The following NUDT21 variants were observed in gnomAD, a reference collection of about 807,000 sequenced individuals.
NUDT21 encodes nudix hydrolase 21.
In NUDT21, 5 loss-of-function variants were observed where a neutral mutation model predicts 29.8. That is an observed-to-expected ratio of 0.17 (90% CI 0.09 to 0.35). NUDT21 has a LOEUF of 0.35. Ranked by LOEUF, NUDT21 falls within the 10% of genes least tolerant of loss-of-function variation. The pLI is 1.00. For synonymous variants in NUDT21, 113 were observed against 98.5 expected, an observed-to-expected ratio of 1.15 and a Z score of -0.87; for missense variants, 76 against 276.0, an observed-to-expected ratio of 0.28 and a Z score of 5.13.
chr16:56,436,525 T>C (rs2143935232), intron 4 of NUDT21, among the ~76,000 whole-genome samples: 1 of 152,320 alleles, frequency 6.6e-6, no homozygotes. Context: ...GTCCCAGGCT[T>C]TGGAGGTTCC....
chr16:56,430,391 C>T lies in NUDT21; in HGVS notation c.*2321G>A, dbSNP rs1235916537. On this transcript the variant is annotated 3_prime_UTR_variant, in exon 7 of 7. Coordinates refer to ENST00000300291, the MANE Select transcript of NUDT21 (RefSeq NM_007006.3). ...AGTTTTACATAGAATCTGCACTATA[C>T]TTGGATACTCAGGGAAAATAAGATG... 1.3e-5 allele frequency: 2 copies of T among 152,116 alleles called. No individual in the cohort carries two copies. Among genetic ancestry groups the T allele is most frequent in the African/African-American group, 4.8e-5 (2 of 41,424 alleles). 9.4% of individuals were successfully genotyped at this position (152,116 alleles called of 1,614,324 possible).
intron 4 of NUDT21, chr16:56,435,034 TAA>T: frequency 2.6e-6 from 1 of 379,270 alleles, no homozygotes; most frequent in African/African-American, 2.1e-5. Flanking sequence ...CCATTCGAGA[TAA>T]AATATGTAGT....
At chr16:56,443,168 C>T (rs1243504872) in intron 3 of NUDT21, among the ~76,000 whole-genome samples, 2 of 151,598 alleles carry the variant, frequency 1.3e-5, no homozygotes, top group Non-Finnish European at 2.9e-5. Flanking sequence ...GATAGGACTA[C>T]AATATTTTTT....
chr16:56,450,991 C>G (rs1962301878), intron 1 of NUDT21, 96 bp downstream of exon 1: 2 of 996,070 alleles, frequency 2.0e-6, no homozygotes, highest in East Asian at 5.0e-5. Flanking sequence ...CGGGGAGGTG[C>G]AGAGGCGTGA....
intron 6 of NUDT21, 86 bp downstream of exon 6, chr16:56,434,245 A>G (rs1962068527): frequency 1.2e-6 from 1 of 835,856 alleles, no homozygotes; most frequent in African/African-American, 1.7e-5. Flanking sequence ...ACCAAAATTC[A>G]TGAACTATAC....
At chr16:56,444,624 A>C (rs113972583) in intron 3 of NUDT21, among the ~76,000 whole-genome samples, 2,380 of 151,660 alleles carry the variant, frequency 0.016, 42 homozygotes, top group Non-Finnish European at 0.018. Context: ...CAAAAACAAA[A>C]AAAAAAAAAA....
In NUDT21 at chr16:56,447,010, C is replaced by T. The variant is rs115754021; in HGVS notation, c.318-321G>A. ...GTTTAGGCTTCTAGTGAACCCATCA[C>T]TGAAACAGTGAACATAACATCCAAT... is the stretch of plus-strand genomic sequence containing the variant. On this transcript the variant is annotated intron_variant, in intron 2 of 6. Coordinates refer to ENST00000300291, the MANE Select transcript of NUDT21 (RefSeq NM_007006.3). 5.7e-3 allele frequency: 1,194 copies of T among 208,210 alleles called. 15 individuals carry two copies. The highest frequency in any genetic ancestry group is 0.025 in the African/African-American group (1,083 of 43,440). 12.9% of individuals were successfully genotyped at this position (208,210 alleles called of 1,614,324 possible). A position where few individuals can be genotyped will look rare whatever the true frequency, so the allele number is the denominator to read the frequency against.
At position 56,451,253 on chromosome 16, in the gene NUDT21, A is replaced by G. The variant is rs1178769412; in HGVS notation, c.-51T>C. 7.2e-7 allele frequency: 1 copy of G among 1,387,686 alleles called. No individual in the cohort carries two copies. Among genetic ancestry groups the G allele is most frequent in the African/African-American group, 1.4e-5 (1 of 69,778 alleles). The allele number at this position is 1,387,686 out of a possible 1,614,324, so 86.0% of individuals were successfully genotyped here. On this transcript the variant is annotated 5_prime_UTR_variant, in exon 1 of 7. Transcript: ENST00000300291. The stretch of plus-strand genomic sequence containing the variant: ...GAGCAGAAAGTGGCAGGCAGGGTAG[A>G]CTTTCCCCGTGCGGGAAGCGGTTAT...
intron 3 of NUDT21, among the ~76,000 whole-genome samples, chr16:56,446,351 T>G (rs1431095002): frequency 1.8e-4 from 28 of 152,306 alleles, no homozygotes; most frequent in African/African-American, 6.0e-4. Flanking sequence ...TTAAAGGAAT[T>G]AGCGCATGTA....
chr16:56,451,250 T>C lies in NUDT21; in HGVS notation c.-48A>G. The C allele has an allele frequency of 7.1e-7, 1 of 1,411,416 alleles. No individual in the cohort carries two copies. The highest frequency in any genetic ancestry group is 1.9e-5 in the Admixed American group (1 of 52,982). The allele number at this position is 1,411,416 out of a possible 1,614,324, so 87.4% of individuals were successfully genotyped here. A position where few individuals can be genotyped will look rare whatever the true frequency, so the allele number is the denominator to read the frequency against. ...GGCGAGCAGAAAGTGGCAGGCAGGG[T>C]AGACTTTCCCCGTGCGGGAAGCGGT... On this transcript the variant is annotated 5_prime_UTR_variant, in exon 1 of 7. Coordinates refer to ENST00000300291, the MANE Select transcript of NUDT21 (RefSeq NM_007006.3).
At chr16:56,445,470 G>A (rs188265382) in intron 3 of NUDT21, among the ~76,000 whole-genome samples, 1 of 152,290 alleles carries the variant, frequency 6.6e-6, no homozygotes, top group East Asian at 1.9e-4. Context: ...TTACAATTAA[G>A]TGATTATTGA....
intron 4 of NUDT21, among the ~76,000 whole-genome samples, chr16:56,436,125 T>A (rs1962101783): frequency 6.6e-6 from 1 of 151,612 alleles, no homozygotes; most frequent in Non-Finnish European, 1.5e-5. Context: ...AAAAAAAGTC[T>A]AAGGGTTATA....
At chr16:56,439,231 G>C (rs1962135614) in intron 4 of NUDT21, 1 of 160,408 alleles carries the variant, frequency 6.2e-6, no homozygotes, top group African/African-American at 2.4e-5. Flanking sequence ...GAGTGCAATG[G>C]CACAATCTCG....
intron 3 of NUDT21, 54 bp downstream of exon 3, chr16:56,446,572 A>C: frequency 9.9e-7 from 1 of 1,010,882 alleles, no homozygotes; most frequent in African/African-American, 1.6e-5. Flanking sequence ...AAGACATTAA[A>C]AGCCAAATAA....
At chr16:56,434,668 A>G in intron 5 of NUDT21, 86 bp downstream of exon 5, 2 of 954,116 alleles carry the variant, frequency 2.1e-6, no homozygotes, top group Non-Finnish European at 3.4e-6. Flanking sequence ...AAGTTCAAGG[A>G]ACTTTGAGAA....
intron 1 of NUDT21, among the ~76,000 whole-genome samples, chr16:56,448,864 A>C (rs1962247523): frequency 6.6e-6 from 1 of 152,206 alleles, no homozygotes; most frequent in Non-Finnish European, 1.5e-5. Context: ...AAAGCCCTTG[A>C]CATTAATAGT....
chr16:56,446,594 ATGG>A, intron 3 of NUDT21, 29 bp downstream of exon 3: 1 of 1,273,626 alleles, frequency 7.9e-7, no homozygotes, highest in Non-Finnish European at 1.1e-6. Flanking sequence ...TAGTAAGTTG[ATGG>A]TATTCAAAGT....
chr16:56,438,706 A>G (rs1962129660), intron 4 of NUDT21, among the ~76,000 whole-genome samples: 1 of 152,072 alleles, frequency 6.6e-6, no homozygotes. Context: ...CAAGACACAC[A>G]GGGGAAACAG....
chr16:56,451,021 G>A, intron 1 of NUDT21, 66 bp downstream of exon 1: 1 of 1,367,898 alleles, frequency 7.3e-7, no homozygotes, highest in Non-Finnish European at 1.0e-6. Flanking sequence ...AAAAGCCGGG[G>A]GCGCGTCGGA....
Sources: gnomAD v4.1 joint callset for allele counts (sites outside exome capture counted in the v4.1 genomes callset) on GRCh38, gnomAD v4.1.1 for gene constraint, MANE v1.5 for transcripts, NCBI Gene and HGNC (gene_info 2026-07-23, HGNC 2026-07-21) for gene names.